Variants in FARSB observed in about 807,000 individuals in gnomAD.
FARSB encodes phenylalanyl-tRNA synthetase subunit beta.
A neutral mutation model predicts 69.6 loss-of-function variants in FARSB; 40 were observed. The observed-to-expected ratio is 0.57, with a 90% CI of 0.45 to 0.75. FARSB has a LOEUF of 0.75. Ranked by LOEUF, FARSB falls within the 30% of genes least tolerant of loss-of-function variation. The probability of loss-of-function intolerance (pLI) is 0.00; values close to 1 mark genes in which losing one functional copy is unlikely to be tolerated. For missense variants in FARSB, 632 were observed against 722.9 expected (o/e 0.87, Z 1.44); for synonymous variants, 235 against 247.2 (o/e 0.95, Z 0.46).
At chr2:222,624,849 T>G in intron 10 of FARSB, 74 bp from the exon 11 acceptor site, 1 of 867,084 alleles carries the variant, frequency 1.2e-6, no homozygotes, top group Non-Finnish European at 1.8e-6. Flanking sequence ...CATTAGTCAT[T>G]ATTGCAGTTC....
intron 14 of FARSB, among the ~76,000 whole-genome samples, chr2:222,615,995 A>G (rs188699995): frequency 1.9e-4 from 29 of 152,226 alleles, no homozygotes; most frequent in African/African-American, 7.0e-4. Context: ...TTTTATAGAT[A>G]TGCCTTATTT....
At position 222,655,800 on chromosome 2, in the gene FARSB, G is replaced by C. The variant is rs373532448; in HGVS notation, c.58+216C>G. 3.0e-4 allele frequency among the ~76,000 whole-genome samples: 46 copies of C among 152,382 alleles called. No homozygotes were observed. In the East Asian group the frequency reaches 3.5e-3, roughly 11 times the overall value. ...GGCAGATCGCTGAATGAATGACACG[G>C]CAAGCCGGGCACAAGCAGTGGCACC... On this transcript the variant is annotated intron_variant, in intron 1 of 16. Transcript: ENST00000281828.
At chr2:222,623,864 C>G (rs1249096284) in intron 12 of FARSB, 134 bp from the exon 13 acceptor site, 1 of 644,126 alleles carries the variant, frequency 1.6e-6, no homozygotes, top group Non-Finnish European at 2.8e-6. Flanking sequence ...TTCACCCTTA[C>G]TAACGTACTG....
At chr2:222,627,688 G>A (rs1173309146) in intron 10 of FARSB, among the ~76,000 whole-genome samples, 1 of 152,170 alleles carries the variant, frequency 6.6e-6, no homozygotes, top group African/African-American at 2.4e-5. Context: ...TTTCAGTTAT[G>A]CTTCATACAG....
intron 10 of FARSB, among the ~76,000 whole-genome samples, chr2:222,627,210 CA>C (rs1691299993): frequency 1.3e-5 from 2 of 152,206 alleles, no homozygotes; most frequent in Non-Finnish European, 2.9e-5. Flanking sequence ...GCCAATCTTC[CA>C]ATCAGGAGAT....
At chr2:222,591,231 G>C (rs1370735624) in intron 16 of FARSB, among the ~76,000 whole-genome samples, 1 of 148,670 alleles carries the variant, frequency 6.7e-6, no homozygotes, top group African/African-American at 2.5e-5. Flanking sequence ...AAAAAGGAAA[G>C]AAAGAAAAAG....
chr2:222,574,151 G>A (rs1042953705), intron 16 of FARSB, among the ~76,000 whole-genome samples: 5 of 143,666 alleles, frequency 3.5e-5, no homozygotes, highest in Non-Finnish European at 7.7e-5. Flanking sequence ...ACAACTTTTC[G>A]AATCAGCACT....
intron 16 of FARSB, among the ~76,000 whole-genome samples, chr2:222,585,584 G>T (rs1442576354): frequency 6.6e-6 from 1 of 152,200 alleles, no homozygotes; most frequent in Non-Finnish European, 1.5e-5. Context: ...CTGAGCTAAA[G>T]GAGGATGCTC....
At chr2:222,654,307 G>C (rs2106020543) in intron 1 of FARSB, among the ~76,000 whole-genome samples, 1 of 152,212 alleles carries the variant, frequency 6.6e-6, no homozygotes, top group Admixed American at 6.5e-5. Context: ...CAAAAACACA[G>C]TCAAAACCTT....
At chr2:222,611,661 C>G (rs76826613) in intron 15 of FARSB, among the ~76,000 whole-genome samples, 5,484 of 152,272 alleles carry the variant, frequency 0.036, 314 homozygotes, top group African/African-American at 0.12. Flanking sequence ...CACTTAAGAA[C>G]AGCTCTCTCA....
At chr2:222,627,222 G>A (rs953262219) in intron 10 of FARSB, among the ~76,000 whole-genome samples, 1 of 152,200 alleles carries the variant, frequency 6.6e-6, no homozygotes, top group Non-Finnish European at 1.5e-5. Flanking sequence ...ATCAGGAGAT[G>A]ACATCTATTT....
intron 5 of FARSB, among the ~76,000 whole-genome samples, chr2:222,636,616 A>G (rs1034151562): frequency 7.2e-5 from 11 of 152,188 alleles, no homozygotes; most frequent in African/African-American, 2.7e-4. Flanking sequence ...GATATGAAAA[A>G]ACTAAAAATA....
chr2:222,641,049 C>T, intron 3 of FARSB, 118 bp from the exon 4 acceptor site: 2 of 382,626 alleles, frequency 5.2e-6, no homozygotes, highest in Non-Finnish European at 9.4e-6. Flanking sequence ...GGTTGAGTTA[C>T]AGCAAGTCAA....
At chr2:222,602,743 T>C (rs1351173263) in intron 15 of FARSB, among the ~76,000 whole-genome samples, 1 of 152,136 alleles carries the variant, frequency 6.6e-6, no homozygotes, top group Non-Finnish European at 1.5e-5. Flanking sequence ...AAGTGATATC[T>C]TTATGATGCT....
In FARSB at chr2:222,635,983, A is replaced by G. The variant is rs184160547; in HGVS notation, c.456-1442T>C. Among the ~76,000 whole-genome samples the G allele has an allele frequency of 1.4e-3, 215 of 151,636 alleles. 1 individual carries two copies. The highest frequency in any genetic ancestry group is 0.012 in the Admixed American group (190 of 15,212). Reference sequence around the variant, plus strand: ...TGGTCTCAGCTACTTGGGAGGCTGAAGTAGGAGGATCACTTGAGCCAGGAA... The same window carrying G: ...TGGTCTCAGCTACTTGGGAGGCTGAGGTAGGAGGATCACTTGAGCCAGGAA... On this transcript the variant is annotated intron_variant, in intron 5 of 16. Transcript: ENST00000281828.
At chr2:222,583,816 T>C (rs1690035810) in intron 16 of FARSB, among the ~76,000 whole-genome samples, 2 of 152,070 alleles carry the variant, frequency 1.3e-5, no homozygotes, top group South Asian at 4.2e-4. Flanking sequence ...GATCTGATGG[T>C]TTTTTAAGAG....
At chr2:222,620,135 T>G (rs1691102451) in intron 13 of FARSB, among the ~76,000 whole-genome samples, 1 of 152,192 alleles carries the variant, frequency 6.6e-6, no homozygotes, top group South Asian at 2.1e-4. Flanking sequence ...AGCCATTCCC[T>G]AAACCTTATG....
chr2:222,649,376 G>A (rs1191604660), intron 1 of FARSB, among the ~76,000 whole-genome samples: 5 of 151,670 alleles, frequency 3.3e-5, no homozygotes, highest in African/African-American at 1.2e-4. Flanking sequence ...CATGTACACA[G>A]AAGAAAAACA....
chr2:222,583,466 T>C (rs1477263320), intron 16 of FARSB, among the ~76,000 whole-genome samples: 1 of 152,114 alleles, frequency 6.6e-6, no homozygotes, highest in Non-Finnish European at 1.5e-5. Context: ...CTACCATTCC[T>C]CCAAAGATGC....
Sources: gnomAD v4.1 joint callset for allele counts (sites outside exome capture counted in the v4.1 genomes callset) on GRCh38, gnomAD v4.1.1 for gene constraint, MANE v1.5 for transcripts, NCBI Gene and HGNC (gene_info 2026-07-23, HGNC 2026-07-21) for gene names.